ZNF565: variants seen among roughly 807,000 people sequenced by gnomAD.
ZNF565 encodes the protein zinc finger protein 565.
ZNF565 carries 27 observed loss-of-function variants against 39.4 expected under a neutral mutation model. That is an observed-to-expected ratio of 0.69 (90% confidence interval 0.51 to 0.95). The LOEUF (loss-of-function observed/expected upper bound fraction) is 0.95, where lower values mean the gene tolerates loss of function less well. Among genes scored for constraint, ZNF565 ranks in the 40% least tolerant of loss-of-function variants. ZNF565 has a pLI of 0.00. For synonymous variants in ZNF565, 185 were observed against 216.6 expected, an observed-to-expected ratio of 0.85 and a Z score of 1.28; for missense variants, 524 against 621.1, an observed-to-expected ratio of 0.84 and a Z score of 1.66.
intron 2 of ZNF565, 31 bp downstream of exon 2, chr19:36,201,945 TC>T: frequency 6.2e-7 from 1 of 1,612,624 alleles, no homozygotes; most frequent in East Asian, 2.2e-5. Flanking sequence ...GGAAGACAGA[TC>T]ATTCTAAGGA....
chr19:36,204,195 C>A (rs543599099), intron 1 of ZNF565, among the ~76,000 whole-genome samples: 23 of 152,188 alleles, frequency 1.5e-4, no homozygotes, highest in Non-Finnish European at 2.9e-5. Flanking sequence ...ACTGATCTGC[C>A]CACCTCGGCC....
At chr19:36,213,279 C>G (rs1327688938) in intron 1 of ZNF565, 1 of 152,348 alleles carries the variant, frequency 6.6e-6, no homozygotes, top group Non-Finnish European at 1.5e-5. Context: ...GGTTCAAACA[C>G]GGCTCACTGC....
chr19:36,197,874 G>A (rs900037795), intron 2 of ZNF565, among the ~76,000 whole-genome samples: 4 of 152,070 alleles, frequency 2.6e-5, no homozygotes, highest in Admixed American at 6.6e-5. Flanking sequence ...TAGGCCAGGC[G>A]TGGTGGCTCA....
chr19:36,222,423 A>T (rs1976886632), intron 1 of ZNF565, among the ~76,000 whole-genome samples: 1 of 152,220 alleles, frequency 6.6e-6, no homozygotes, highest in Admixed American at 6.5e-5. Flanking sequence ...ATACTGACAC[A>T]GGAGTAGCTC....
intron 1 of ZNF565, chr19:36,237,449 A>G: frequency 2.6e-6 from 3 of 1,150,208 alleles, no homozygotes; most frequent in Non-Finnish European, 3.6e-6. Context: ...TAAAAACTTA[A>G]GGGACACCAG....
chr19:36,228,441 C>G (rs1977180154), intron 1 of ZNF565: 2 of 152,214 alleles, frequency 1.3e-5, no homozygotes, highest in Non-Finnish European at 2.9e-5. Flanking sequence ...GTGAACAGCT[C>G]TCCTGTGTAA....
intron 1 of ZNF565, among the ~76,000 whole-genome samples, chr19:36,243,246 C>T (rs1977828608): frequency 6.6e-6 from 1 of 152,112 alleles, no homozygotes; most frequent in African/African-American, 2.4e-5. Context: ...GTTGGCCAGG[C>T]TGGTCTCAAA....
intron 4 of ZNF565, among the ~76,000 whole-genome samples, chr19:36,189,124 C>T (rs1223648793): frequency 6.6e-6 from 1 of 151,386 alleles, no homozygotes; most frequent in Non-Finnish European, 1.5e-5. Flanking sequence ...GAACTAAATG[C>T]CACTGAATTA....
At chr19:36,188,713 A>G (rs1016993521) in intron 4 of ZNF565, among the ~76,000 whole-genome samples, 2 of 134,192 alleles carry the variant, frequency 1.5e-5, no homozygotes, top group Non-Finnish European at 3.4e-5. Flanking sequence ...CTCCGTCTCA[A>G]AAAAAAAAAA....
At chr19:36,233,491 G>GC (rs1457084206) in intron 1 of ZNF565, among the ~76,000 whole-genome samples, 2 of 152,074 alleles carry the variant, frequency 1.3e-5, no homozygotes, top group African/African-American at 4.8e-5. Context: ...GGGAGGACCT[G>GC]CATACGGAGG....
chr19:36,222,777 GC>G (rs1976903016), intron 1 of ZNF565, among the ~76,000 whole-genome samples: 1 of 78,298 alleles, frequency 1.3e-5, no homozygotes, highest in Non-Finnish European at 2.5e-5. Flanking sequence ...ATGAGTGGTG[GC>G]TTTTTTTTTT....
intron 1 of ZNF565, among the ~76,000 whole-genome samples, chr19:36,240,793 C>T (rs568682914): frequency 6.6e-6 from 1 of 151,894 alleles, no homozygotes; most frequent in South Asian, 2.1e-4. Flanking sequence ...TGCTCCAACC[C>T]AGGAGGCAGA....
intron 1 of ZNF565, among the ~76,000 whole-genome samples, chr19:36,235,422 AG>A (rs1248894874): frequency 6.6e-6 from 1 of 152,192 alleles, no homozygotes; most frequent in Non-Finnish European, 1.5e-5. Flanking sequence ...CACCTCAAGT[AG>A]GGTTCCCTTC....
chr19:36,182,470 C>T lies in ZNF565; in HGVS notation c.1496G>A (p.Gly499Asp). The T allele has an allele frequency of 6.4e-7, 1 of 1,556,630 alleles. No individual in the cohort carries two copies. Among genetic ancestry groups the T allele is most frequent in the South Asian group, 1.2e-5 (1 of 81,082 alleles). Residue 499 changes from glycine (G) to aspartate (D), a missense_variant, in exon 5 of 5, where the codon GGT becomes GAT. By Grantham distance (94) the Gly-to-Asp change is moderately conservative. Transcript: ENST00000304116. ...QLIEHYRIHT[G>D] ...ATCCCTTACACTCAAGGCTTTCTAACCAGTATGAATTCTGTAGTGTTCAAT... is the reference window on the plus strand; with the variant it reads ...ATCCCTTACACTCAAGGCTTTCTAATCAGTATGAATTCTGTAGTGTTCAAT...
intron 1 of ZNF565, among the ~76,000 whole-genome samples, chr19:36,240,360 G>A (rs1977777309): frequency 6.6e-6 from 1 of 152,138 alleles, no homozygotes; most frequent in Non-Finnish European, 1.5e-5. Context: ...GTTTGAGGCT[G>A]CAGTCAGCCG....
intron 1 of ZNF565, chr19:36,236,993 G>T: frequency 1.2e-6 from 2 of 1,614,194 alleles, no homozygotes; most frequent in South Asian, 1.1e-5. Flanking sequence ...GAAACCCTAT[G>T]AATGTAACGA....
chr19:36,238,994 G>A (rs1445382273), intron 1 of ZNF565, among the ~76,000 whole-genome samples: 2 of 152,114 alleles, frequency 1.3e-5, no homozygotes, highest in Non-Finnish European at 2.9e-5. Flanking sequence ...AGAATGTAAC[G>A]CCTGATGATC....
intron 1 of ZNF565, among the ~76,000 whole-genome samples, chr19:36,231,919 AAG>A (rs1555742846): frequency 7.9e-5 from 12 of 151,666 alleles, no homozygotes; most frequent in Non-Finnish European, 1.5e-4. Context: ...TAAAAAAAAA[AAG>A]GCCAGACTCG....
chr19:36,183,588 C>G lies in ZNF565; in HGVS notation c.378G>C (p.Glu126Asp). ...RADWECEGQF[E>D]RQVNEECYFK... Reference sequence around the variant, plus strand: ...AATAGCACTCTTCATTGACTTGTCTCTCAAACTGGCCTTCGCATTCCCAGT... The same window carrying G: ...AATAGCACTCTTCATTGACTTGTCTGTCAAACTGGCCTTCGCATTCCCAGT... The change falls in exon 5 of 5, where the codon GAG becomes GAC. Residue 126 changes from glutamate to aspartate, a missense_variant. Physicochemically the swap from Glu to Asp is conservative, Grantham distance 45. Transcript: ENST00000304116. 1 of 1,614,174 alleles carries G rather than the reference C, an allele frequency of 6.2e-7. No individual in the cohort carries two copies. The highest frequency in any genetic ancestry group is 8.5e-7 in the Non-Finnish European group (1 of 1,180,042).
Sources: allele counts gnomAD v4.1 joint callset (sites outside exome capture counted in the v4.1 genomes callset), GRCh38; gene constraint gnomAD v4.1.1; transcripts MANE v1.5; gene names NCBI Gene and HGNC (gene_info 2026-07-23, HGNC 2026-07-21).